The following ST3GAL1 variants were observed in gnomAD, a reference collection of about 807,000 sequenced individuals.
The protein encoded by ST3GAL1 is ST3 beta-galactoside alpha-2,3-sialyltransferase 1.
A neutral mutation model predicts 34.1 loss-of-function variants in ST3GAL1; 16 were observed. The ratio of observed to expected loss-of-function variants is 0.47; its 90% CI spans 0.32 to 0.71. The LOEUF (loss-of-function observed/expected upper bound fraction) is 0.71, where lower values mean the gene tolerates loss of function less well. ST3GAL1 is among the 30% of genes least tolerant of loss of function. ST3GAL1 has a pLI of 0.04. For synonymous variants in ST3GAL1, 191 were observed against 184.7 expected, an observed-to-expected ratio of 1.03 and a Z score of -0.28; for missense variants, 353 against 447.4, an observed-to-expected ratio of 0.79 and a Z score of 1.90.
At chr8:133,503,294 T>C (rs1817240239) in intron 2 of ST3GAL1, among the ~76,000 whole-genome samples, 1 of 152,220 alleles carries the variant, frequency 6.6e-6, no homozygotes, top group Admixed American at 6.5e-5. Context: ...GAGAGCCGAC[T>C]TCCACTCAGG....
In ST3GAL1 at chr8:133,466,673, G is replaced by T. The variant is rs1815745143; in HGVS notation, c.307-583C>A. ...GGGGGACAGAGCAGTAGGGACATCT[G>T]CCATCTTTCCTGCCTGACCCTCAGT... On this transcript the variant is annotated intron_variant, in intron 5 of 9. Coordinates refer to ENST00000522652, the MANE Select transcript of ST3GAL1 (RefSeq NM_173344.3). This position sits in a 1 kb window ranked among gnomAD's most constrained non-coding sequence, Gnocchi z 4.4. Among the ~76,000 whole-genome samples the T allele has an allele frequency of 6.6e-6, 1 of 152,216 alleles. No individual in the cohort carries two copies. Among genetic ancestry groups the T allele is most frequent in the Non-Finnish European group, 1.5e-5 (1 of 68,040 alleles).
At chr8:133,500,118 C>G (rs1817101287) in intron 2 of ST3GAL1, among the ~76,000 whole-genome samples, 1 of 152,218 alleles carries the variant, frequency 6.6e-6, no homozygotes, top group South Asian at 2.1e-4. Context: ...TAATCATGCT[C>G]TACCCACAGC....
chr8:133,541,148 G>GAGAGAGAC (rs1554618914), intron 2 of ST3GAL1, among the ~76,000 whole-genome samples: 15 of 130,158 alleles, frequency 1.2e-4, no homozygotes, highest in Non-Finnish European at 1.9e-4. Context: ...GAGAGAGAGA[G>GAGAGAGAC]AGAGACTGTG....
At chr8:133,564,169 G>C (rs1022708937) in intron 1 of ST3GAL1, among the ~76,000 whole-genome samples, 1 of 152,208 alleles carries the variant, frequency 6.6e-6, no homozygotes, top group Non-Finnish European at 1.5e-5. Context: ...TCAAGAGAGA[G>C]TCAATTTCTC....
chr8:133,534,926 C>T (rs1033762337), intron 2 of ST3GAL1, among the ~76,000 whole-genome samples: 25 of 152,184 alleles, frequency 1.6e-4, no homozygotes, highest in Non-Finnish European at 8.8e-5. Flanking sequence ...AGGCTACCAC[C>T]GCTCAAGGGG....
At position 133,467,261 on chromosome 8, in the gene ST3GAL1, C is replaced by A. The variant is rs1288192957; in HGVS notation, c.307-1171G>T. ...GGATGAGTTGGTATCCCTATTGGCC[C>A]CCGGTGGTTTCACTATTGGCCCCCG... On this transcript the variant is annotated intron_variant, in intron 5 of 9. Transcript: ENST00000522652. This position sits in a 1 kb window ranked among gnomAD's most constrained non-coding sequence, Gnocchi z 4.2. Among the ~76,000 whole-genome samples the A allele has an allele frequency of 6.6e-6, 1 of 152,172 alleles. No homozygotes were observed. The highest frequency in any genetic ancestry group is 1.5e-5 in the Non-Finnish European group (1 of 68,030).
At chr8:133,551,532 G>C (rs1818842168) in intron 1 of ST3GAL1, among the ~76,000 whole-genome samples, 1 of 132,676 alleles carries the variant, frequency 7.5e-6, no homozygotes, top group Non-Finnish European at 1.6e-5. Context: ...GAAAGAGAAA[G>C]AAAGAGAAGG....
At chr8:133,537,075 C>T (rs751355499) in intron 2 of ST3GAL1, among the ~76,000 whole-genome samples, 3 of 152,174 alleles carry the variant, frequency 2.0e-5, no homozygotes, top group African/African-American at 7.2e-5. Flanking sequence ...GCCTCAAGTC[C>T]GGGTCTCTGC....
At chr8:133,519,103 G>A (rs893507761) in intron 2 of ST3GAL1, among the ~76,000 whole-genome samples, 1 of 152,192 alleles carries the variant, frequency 6.6e-6, no homozygotes, top group Non-Finnish European at 1.5e-5. Context: ...GGACAGAGGG[G>A]CCTGGTGAGG....
chr8:133,463,729 C>T (rs934820614), intron 7 of ST3GAL1, among the ~76,000 whole-genome samples: 2 of 152,264 alleles, frequency 1.3e-5, no homozygotes, highest in Middle Eastern at 3.4e-3. Context: ...AGGACTTGCT[C>T]CAAGCACAGC....
intron 2 of ST3GAL1, among the ~76,000 whole-genome samples, chr8:133,505,689 A>C (rs1586625948): frequency 6.8e-6 from 1 of 146,084 alleles, no homozygotes; most frequent in African/African-American, 2.5e-5. Context: ...TGCAATCTCC[A>C]CCTCCTGGGT....
At chr8:133,518,793 A>C (rs1427992859) in intron 2 of ST3GAL1, among the ~76,000 whole-genome samples, 1 of 152,174 alleles carries the variant, frequency 6.6e-6, no homozygotes, top group Non-Finnish European at 1.5e-5. Flanking sequence ...AAAGTCTTCT[A>C]GGAGGTGCTA....
At chr8:133,515,512 G>A (rs1007745188) in intron 2 of ST3GAL1, 1 of 152,106 alleles carries the variant, frequency 6.6e-6, no homozygotes, top group African/African-American at 2.4e-5. Flanking sequence ...GAGCCCCTAC[G>A]AATGAGGTTT....
At chr8:133,478,967 T>G (rs1422185550) in intron 3 of ST3GAL1, among the ~76,000 whole-genome samples, 1 of 152,190 alleles carries the variant, frequency 6.6e-6, no homozygotes, top group African/African-American at 2.4e-5. Context: ...GAGGGAGAAC[T>G]GAGAAAGAAA....
rs766113952 is a variant in ST3GAL1 at position 133,556,326 on chromosome 8, G to GC, written c.-581-10401dup. On this transcript the variant is annotated intron_variant, in intron 1 of 9. Transcript: ENST00000522652. This position sits in a 1 kb window ranked among gnomAD's most constrained non-coding sequence, Gnocchi z 8.9. ...AGATCTCACCACTGATCAACAGCAGGCCTGGTGACTCCAGAGCCTGTCTTC... is the reference window on the plus strand; with the variant it reads ...AGATCTCACCACTGATCAACAGCAGGCCCTGGTGACTCCAGAGCCTGTCTTC... 1.3e-5 allele frequency among the ~76,000 whole-genome samples: 2 copies of GC among 152,182 alleles called. No individual in the cohort carries two copies. Among genetic ancestry groups the GC allele is most frequent in the African/African-American group, 2.4e-5 (1 of 41,434 alleles).
chr8:133,522,620 C>T (rs1024899168), intron 2 of ST3GAL1, among the ~76,000 whole-genome samples: 2 of 152,276 alleles, frequency 1.3e-5, no homozygotes, highest in Admixed American at 6.5e-5. Flanking sequence ...CACAGAAAAG[C>T]CTACGTTCAT....
rs922931928 is a variant in ST3GAL1, at chr8:133,459,996, G to A, written c.850-59C>T. On this transcript the variant is annotated intron_variant, in intron 9 of 9. Coordinates refer to ENST00000522652, the MANE Select transcript of ST3GAL1 (RefSeq NM_173344.3). This position sits in a 1 kb window ranked among gnomAD's most constrained non-coding sequence, Gnocchi z 4.7. ...GCAGGGCTGCTGGTGGCACCTCTGAGAAAGGAAGCCTGTAGGCGTTCCTGG... is the reference window on the plus strand; with the variant it reads ...GCAGGGCTGCTGGTGGCACCTCTGAAAAAGGAAGCCTGTAGGCGTTCCTGG... The A allele has an allele frequency of 6.5e-7, 1 of 1,535,952 alleles. No homozygotes were observed. Among genetic ancestry groups the A allele is most frequent in the African/African-American group, 1.4e-5 (1 of 72,026 alleles).
intron 2 of ST3GAL1, among the ~76,000 whole-genome samples, chr8:133,541,004 TAGACATATATATGC>T (rs1818491375): frequency 1.1e-5 from 1 of 92,292 alleles, no homozygotes; most frequent in Non-Finnish European, 2.5e-5. Flanking sequence ...CATATATATA[TAGACATATATATGC>T]AGACATATAT....
At chr8:133,536,805 C>T (rs1048706532) in intron 2 of ST3GAL1, among the ~76,000 whole-genome samples, 3 of 152,150 alleles carry the variant, frequency 2.0e-5, no homozygotes, top group Admixed American at 1.3e-4. Flanking sequence ...GGTACTATTA[C>T]TACTTCCTTT....
Sources: gnomAD v4.1 joint callset for allele counts (sites outside exome capture counted in the v4.1 genomes callset) on GRCh38, gnomAD v4.1.1 for gene constraint, Gnocchi (gnomAD v3.1) non-coding constraint, MANE v1.5 for transcripts, NCBI Gene and HGNC (gene_info 2026-07-23, HGNC 2026-07-21) for gene names.